The following JAKMIP2 variants were observed in gnomAD, a reference collection of about 807,000 sequenced individuals.
JAKMIP2 encodes janus kinase and microtubule interacting protein 2, also known as janus kinase and microtubule-interacting protein 2.
In JAKMIP2, 25 loss-of-function variants were observed where a neutral mutation model predicts 115.0. That is an observed-to-expected ratio of 0.22 (90% CI 0.16 to 0.30). The LOEUF (loss-of-function observed/expected upper bound fraction) is 0.30. JAKMIP2 is among the 10% of genes least tolerant of loss of function. The pLI is 1.00. For missense variants in JAKMIP2, 642 were observed against 957.6 expected (o/e 0.67, Z 4.35); for synonymous variants, 334 against 343.6 (o/e 0.97, Z 0.31).
intron 1 of JAKMIP2, among the ~76,000 whole-genome samples, chr5:147,768,840 G>C (rs2127069406): frequency 6.6e-6 from 1 of 152,226 alleles, no homozygotes. Flanking sequence ...GGCTGAATGG[G>C]AGACACATAC....
At chr5:147,624,772 G>A (rs894724748) in intron 16 of JAKMIP2, among the ~76,000 whole-genome samples, 2 of 152,138 alleles carry the variant, frequency 1.3e-5, no homozygotes, top group Non-Finnish European at 2.9e-5. Flanking sequence ...TCTGAAGACA[G>A]ACTACCTTGG....
chr5:147,746,144 C>A (rs1754339386), intron 1 of JAKMIP2, among the ~76,000 whole-genome samples: 1 of 152,118 alleles, frequency 6.6e-6, no homozygotes, highest in Non-Finnish European at 1.5e-5. Flanking sequence ...TTAGAAAGAA[C>A]TGGACTTTTG....
intron 1 of JAKMIP2, among the ~76,000 whole-genome samples, chr5:147,711,308 T>C (rs1752770841): frequency 1.3e-5 from 2 of 152,216 alleles, no homozygotes. Context: ...TAAAATGCCT[T>C]ACTCTATTAA....
chr5:147,741,019 C>T (rs1754124169), intron 1 of JAKMIP2, among the ~76,000 whole-genome samples: 1 of 152,110 alleles, frequency 6.6e-6, no homozygotes, highest in South Asian at 2.1e-4. Context: ...CATATTGGCC[C>T]AGCTTCTTGG....
At chr5:147,721,645 G>A (rs1020922531) in intron 1 of JAKMIP2, among the ~76,000 whole-genome samples, 7 of 152,114 alleles carry the variant, frequency 4.6e-5, no homozygotes, top group African/African-American at 7.2e-5. Context: ...TCTTTGACTC[G>A]GAAAGGGAAC....
intron 8 of JAKMIP2, among the ~76,000 whole-genome samples, chr5:147,641,310 T>C (rs1320136514): frequency 2.0e-5 from 3 of 152,158 alleles, no homozygotes; most frequent in African/African-American, 7.2e-5. Context: ...TATACAGATA[T>C]TGATGGATTG....
rs1191102773 is a variant in JAKMIP2, at chr5:147,715,615, CA to C, written c.-148-43662del. 8.6e-5 allele frequency among the ~76,000 whole-genome samples: 13 copies of C among 151,482 alleles called. No homozygotes were observed. In the East Asian group the frequency reaches 2.5e-3, roughly 29 times the overall value. ...TTCCATTTCTCCTCGGAAGACATGC[CA>C]ATTCTAAATTTGTATGTATATATTA... is the stretch of plus-strand genomic sequence containing the variant. On this transcript the variant is annotated intron_variant, in intron 1 of 21. Transcript: ENST00000616793.
At chr5:147,781,026 C>A (rs1755738265) in intron 1 of JAKMIP2, among the ~76,000 whole-genome samples, 1 of 152,110 alleles carries the variant, frequency 6.6e-6, no homozygotes, top group Admixed American at 6.6e-5. Context: ...TCTTTAGTCT[C>A]CTGAACTGCC....
chr5:147,701,325 C>G (rs910137747), intron 1 of JAKMIP2, among the ~76,000 whole-genome samples: 6 of 152,078 alleles, frequency 3.9e-5, no homozygotes, highest in African/African-American at 1.4e-4. Flanking sequence ...TTTCCTTACC[C>G]TCATAGTTAG....
At chr5:147,638,306 A>T (rs1757718655) in intron 10 of JAKMIP2, among the ~76,000 whole-genome samples, 1 of 152,156 alleles carries the variant, frequency 6.6e-6, no homozygotes, top group Non-Finnish European at 1.5e-5. Flanking sequence ...TAGGTAGAAG[A>T]ATTAAATGAC....
At chr5:147,642,986 C>G (rs981173614) in intron 7 of JAKMIP2, among the ~76,000 whole-genome samples, 1 of 152,032 alleles carries the variant, frequency 6.6e-6, no homozygotes, top group African/African-American at 2.4e-5. Context: ...CCTGATTCTT[C>G]CTGCCCTGGA....
At chr5:147,639,176 A>G (rs1757764984) in intron 10 of JAKMIP2, among the ~76,000 whole-genome samples, 1 of 152,230 alleles carries the variant, frequency 6.6e-6, no homozygotes, top group Non-Finnish European at 1.5e-5. Context: ...TTTATAAAAT[A>G]TCTGCCTTAG....
chr5:147,605,917 CATTTCTCTAATGACCAGTGATGATGAGCT>C (rs1755985161), intron 20 of JAKMIP2, among the ~76,000 whole-genome samples: 1 of 152,130 alleles, frequency 6.6e-6, no homozygotes, highest in African/African-American at 2.4e-5. Context: ...TTTTAATTTG[CATTTCTCTAATGACCAGTGATGATGAGCT>C]TTTTTTCATG....
At chr5:147,600,872 T>G (rs1354759775) in intron 21 of JAKMIP2, among the ~76,000 whole-genome samples, 4 of 152,200 alleles carry the variant, frequency 2.6e-5, no homozygotes, top group Non-Finnish European at 5.9e-5. Context: ...CCTTTTTGTT[T>G]TCTATATTGA....
At chr5:147,677,207 C>A (rs773539213) in intron 1 of JAKMIP2, among the ~76,000 whole-genome samples, 1 of 152,132 alleles carries the variant, frequency 6.6e-6, no homozygotes, top group South Asian at 2.1e-4. Flanking sequence ...ATTAAACAAA[C>A]GGATGTAAGT....
chr5:147,658,290 G>GT (rs1310750892), intron 3 of JAKMIP2, among the ~76,000 whole-genome samples: 2 of 152,182 alleles, frequency 1.3e-5, no homozygotes, highest in African/African-American at 4.8e-5. Context: ...GTCTGCTGGA[G>GT]TTTGCTGGAG....
At chr5:147,683,753 T>G (rs886597793) in intron 1 of JAKMIP2, among the ~76,000 whole-genome samples, 4 of 152,176 alleles carry the variant, frequency 2.6e-5, no homozygotes, top group African/African-American at 9.7e-5. Context: ...CAGAAATGTC[T>G]ATATATAGGA....
At chr5:147,761,586 T>G (rs1229587090) in intron 1 of JAKMIP2, among the ~76,000 whole-genome samples, 1 of 152,136 alleles carries the variant, frequency 6.6e-6, no homozygotes, top group Non-Finnish European at 1.5e-5. Flanking sequence ...TATTCTATAT[T>G]TAACAGCTGA....
At chr5:147,690,101 G>A (rs1031361736) in intron 1 of JAKMIP2, among the ~76,000 whole-genome samples, 1 of 152,138 alleles carries the variant, frequency 6.6e-6, no homozygotes, top group Non-Finnish European at 1.5e-5. Flanking sequence ...AGTAATCCCA[G>A]CATTTTTGGA....
Sources: allele counts gnomAD v4.1 joint callset (sites outside exome capture counted in the v4.1 genomes callset), GRCh38; gene constraint gnomAD v4.1.1; transcripts MANE v1.5; gene names NCBI Gene and HGNC (gene_info 2026-07-23, HGNC 2026-07-21).